SIAE: variants seen among roughly 807,000 people sequenced by gnomAD.
The protein encoded by SIAE is sialate O-acetylesterase.
Under a neutral mutation model 52.6 loss-of-function variants are expected in SIAE, and 39 were observed. The ratio of observed to expected loss-of-function variants is 0.74; its 90% CI spans 0.57 to 0.97. SIAE has a LOEUF of 0.97. SIAE is among the 50% of genes least tolerant of loss of function. The probability of loss-of-function intolerance (pLI) is 0.00; values close to 1 mark genes in which losing one functional copy is unlikely to be tolerated. For missense variants in SIAE, 592 were observed against 662.1 expected (o/e 0.89, Z 1.16); for synonymous variants, 233 against 241.4 (o/e 0.97, Z 0.32).
chr11:124,663,144 CA>C lies in SIAE; in HGVS notation c.230-2342del, dbSNP rs964281667. ...GGGCAACAAGAGCAAAACTCCATCTCAAAAAAAAAAAAGTCATGTAAACTCT... is the reference window on the plus strand; with the variant it reads ...GGGCAACAAGAGCAAAACTCCATCTCAAAAAAAAAAAGTCATGTAAACTCT... On this transcript the variant is annotated intron_variant, in intron 2 of 9. Coordinates refer to ENST00000263593, the MANE Select transcript of SIAE (RefSeq NM_170601.5). Among the ~76,000 whole-genome samples, 93 of 133,006 alleles carry C rather than the reference CA, an allele frequency of 7.0e-4. 1 individual carries two copies. Among genetic ancestry groups the C allele is most frequent in the Non-Finnish European group, 6.5e-4 (40 of 61,164 alleles). The allele number at this position is 133,006 out of a possible 152,430, so 87.3% of individuals were successfully genotyped here. A position where few individuals can be genotyped will look rare whatever the true frequency, so the allele number is the denominator to read the frequency against.
At position 124,645,388 on chromosome 11, in the gene SIAE, G is replaced by A. The variant is rs982929101; in HGVS notation, c.966+1977C>T. 1.3e-5 allele frequency among the ~76,000 whole-genome samples: 2 copies of A among 151,016 alleles called. No homozygotes were observed. The highest frequency in any genetic ancestry group is 2.1e-4 in the South Asian group (1 of 4,800). ...GAGTGCAATGCTCACCACAATCTAC[G>A]CCTCCTGGGTTCAAGCGATTCTCCT... On this transcript the variant is annotated intron_variant, in intron 7 of 9. Coordinates refer to ENST00000263593, the MANE Select transcript of SIAE (RefSeq NM_170601.5). This position sits in a 1 kb window ranked among gnomAD's most constrained non-coding sequence, Gnocchi z 4.7.
chr11:124,665,060 T>C (rs1943254544), intron 2 of SIAE, among the ~76,000 whole-genome samples: 1 of 152,168 alleles, frequency 6.6e-6, no homozygotes, highest in African/African-American at 2.4e-5. Context: ...AAAGGAAAAA[T>C]AGCTTAAGTG....
rs895577669 is a variant in SIAE, at chr11:124,673,587, C to T, written c.67+55G>A. ...CCGTGTCCCGCAGAGGACACGGGGT[C>T]TCGGAGCCCGCACAGGCTGAGGGGC... On this transcript the variant is annotated intron_variant, in intron 1 of 9. Transcript: ENST00000263593. 1.3e-5 allele frequency: 21 copies of T among 1,587,414 alleles called. No homozygotes were observed. In the African/African-American group the frequency reaches 2.0e-4, roughly 15 times the overall value.
In SIAE at chr11:124,648,046, A is replaced by G; in HGVS notation, c.832+20T>C. 1.3e-6 allele frequency: 2 copies of G among 1,568,322 alleles called. No homozygotes were observed. The highest frequency in any genetic ancestry group is 2.2e-5 in the South Asian group (2 of 90,178). On this transcript the variant is annotated intron_variant, in intron 6 of 9. Transcript: ENST00000263593. ...AAACGCTATCTGATACAATGGAGAA[A>G]GAGTACACTGAACACTTACCCTGGT... is the stretch of plus-strand genomic sequence containing the variant.
At chr11:124,650,865 C>T (rs1227319477) in intron 4 of SIAE, among the ~76,000 whole-genome samples, 2 of 152,154 alleles carry the variant, frequency 1.3e-5, no homozygotes, top group African/African-American at 2.4e-5. Flanking sequence ...ATGGGAAATT[C>T]GGCCCAAAGG....
chr11:124,651,708 G>A (rs933309042), intron 4 of SIAE, among the ~76,000 whole-genome samples: 2 of 152,170 alleles, frequency 1.3e-5, no homozygotes, highest in Non-Finnish European at 1.5e-5. Context: ...TCCCCGCCCC[G>A]CACCGTGCTT....
upstream of SIAE, chr11:124,675,621 T>C (rs756569753): frequency 3.9e-6 from 2 of 508,286 alleles, no homozygotes; most frequent in Non-Finnish European, 6.9e-6. Context: ...AGATTACCAG[T>C]TCATTATTCA....
chr11:124,637,042 AG>A lies in SIAE; in HGVS notation c.1480del (p.Leu494TyrfsTer39), dbSNP rs746946002. 4 of 1,614,064 alleles carry A rather than the reference AG, an allele frequency of 2.5e-6. No individual in the cohort carries two copies. The highest frequency in any genetic ancestry group is 3.4e-6 in the Non-Finnish European group (4 of 1,180,034). ...TGGCAGGGCACTACTGGGGTGGTAT[AG>A]GGGACACTGCTTATATTCACAAGGC... ...TWPCEYKQCP[L>X]YHPSSALPAP... On this transcript the variant is annotated frameshift_variant, in exon 10 of 10. Transcript: ENST00000263593. LOFTEE classifies it low-confidence loss of function (END_TRUNC).
intron 7 of SIAE, among the ~76,000 whole-genome samples, chr11:124,642,174 G>A (rs910352953): frequency 3.9e-5 from 6 of 152,094 alleles, no homozygotes; most frequent in Admixed American, 6.5e-5. Context: ...TCCATCATTC[G>A]GAAGCCACGG....
At chr11:124,656,657 A>AT (rs58888418) in intron 3 of SIAE, among the ~76,000 whole-genome samples, 17,502 of 151,878 alleles carry the variant, frequency 0.12, 3,045 homozygotes, top group African/African-American at 0.38. Context: ...CTTTTTAGTT[A>AT]TTTTTTTATT....
At chr11:124,661,130 T>TA (rs1299156871) in intron 2 of SIAE, among the ~76,000 whole-genome samples, 2 of 152,228 alleles carry the variant, frequency 1.3e-5, no homozygotes, top group East Asian at 3.8e-4. Flanking sequence ...AAATTCTTAT[T>TA]ATACTATCCA....
At position 124,636,783 on chromosome 11, in the gene SIAE, A is replaced by G. The variant is rs1009933974; in HGVS notation, c.*168T>C. 7 of 954,348 alleles carry G rather than the reference A, an allele frequency of 7.3e-6. No individual in the cohort carries two copies. The highest frequency in any genetic ancestry group is 6.0e-5 in the South Asian group (4 of 66,318). 59.1% of individuals were successfully genotyped at this position (954,348 alleles called of 1,614,324 possible). On this transcript the variant is annotated 3_prime_UTR_variant, in exon 10 of 10. Coordinates refer to ENST00000263593, the MANE Select transcript of SIAE (RefSeq NM_170601.5). ...AAAAAGCAAGCATTTCAAGTTACCTATAAGCCTGGGCTCATCAGAATATAG... is the reference window on the plus strand; with the variant it reads ...AAAAAGCAAGCATTTCAAGTTACCTGTAAGCCTGGGCTCATCAGAATATAG...
chr11:124,654,878 C>A, intron 3 of SIAE, 85 bp from the exon 4 acceptor site: 2 of 1,509,358 alleles, frequency 1.3e-6, no homozygotes, highest in Non-Finnish European at 1.8e-6. Context: ...CCTCTGAGCT[C>A]CTGAGCTTTC....
chr11:124,675,335 C>A, upstream of SIAE: 1 of 1,614,002 alleles, frequency 6.2e-7, no homozygotes, highest in South Asian at 1.1e-5. Context: ...GAAGGGCTGA[C>A]ACGCGAGATT....
At chr11:124,654,937 T>G in intron 3 of SIAE, 144 bp from the exon 4 acceptor site, 1 of 887,910 alleles carries the variant, frequency 1.1e-6, no homozygotes, top group Non-Finnish European at 1.8e-6. Context: ...CTGCACTGAA[T>G]CACCTTGATC....
chr11:124,653,134 G>A (rs959926565), intron 4 of SIAE, among the ~76,000 whole-genome samples: 2 of 152,146 alleles, frequency 1.3e-5, no homozygotes, highest in African/African-American at 4.8e-5. Flanking sequence ...GATAGTGTAA[G>A]ACTGGATAGC....
rs748058894 is a variant in SIAE at position 124,638,681 on chromosome 11, G to A, written c.1181C>T (p.Ala394Val). The A allele has an allele frequency of 5.2e-5, 84 of 1,614,010 alleles. No homozygotes were observed. The highest frequency in any genetic ancestry group is 7.1e-5 in the Non-Finnish European group (84 of 1,180,028). ...CAAATTCTTCTCACCATAAGCCAGA[G>A]CACGGGCCCCCAAATGCAGCCGATA... ...VAYRLHLGAR[A>V]LAYGEKNLTF... Residue 394 changes from alanine (A) to valine (V), a missense_variant, in exon 9 of 10, where the codon GCT (alanine) becomes GTT (valine). Ala to Val is a moderately conservative substitution (Grantham distance 64). Transcript: ENST00000263593.
intron 3 of SIAE, among the ~76,000 whole-genome samples, chr11:124,655,174 C>CTTTTTTTTTT (rs766294261): frequency 4.4e-5 from 6 of 135,082 alleles, no homozygotes; most frequent in African/African-American, 1.5e-4. Flanking sequence ...TTAACTTCTT[C>CTTTTTTTTTT]TTTTTTTTTT....
chr11:124,653,221 T>G (rs1318068970), intron 4 of SIAE, among the ~76,000 whole-genome samples: 1 of 152,230 alleles, frequency 6.6e-6, no homozygotes, highest in Non-Finnish European at 1.5e-5. Context: ...GTAAGCTCCA[T>G]GAGGTCAGGT....
Sources: allele counts gnomAD v4.1 joint callset (sites outside exome capture counted in the v4.1 genomes callset), GRCh38; gene constraint gnomAD v4.1.1; non-coding constraint Gnocchi (gnomAD v3.1); transcripts MANE v1.5; gene names NCBI Gene and HGNC (gene_info 2026-07-23, HGNC 2026-07-21).